Variants in DMD observed in about 807,000 individuals in gnomAD.
DMD encodes dystrophin.
Under a neutral mutation model 330.1 loss-of-function variants are expected in DMD, and 63 were observed. The observed-to-expected ratio is 0.19, with a 90% confidence interval of 0.16 to 0.24. The LOEUF (loss-of-function observed/expected upper bound fraction) is 0.24. Among genes scored for constraint, DMD ranks in the 10% least tolerant of loss-of-function variants. The pLI is 1.00. For synonymous variants in DMD, 1,223 were observed against 959.8 expected (o/e 1.27, Z -5.07); for missense variants, 3,344 against 2,684.1 (o/e 1.25, Z -5.43).
intron 9 of DMD, among the ~76,000 whole-genome samples, chrX:32,652,840 T>C (rs1031340894): frequency 8.9e-6 from 1 of 111,903 alleles, no homozygotes; most frequent in African/African-American, 3.3e-5. Context: ...TCCTGACTTT[T>C]TATTGTTCAC....
chrX:33,058,354 G>T (rs1168699599), intron 1 of DMD, among the ~76,000 whole-genome samples: 1 of 110,832 alleles, frequency 9.0e-6, no homozygotes, highest in Non-Finnish European at 1.9e-5. Context: ...GTGCAATCAC[G>T]GCTCCCTGCA....
rs16998350 is a variant in DMD, at chrX:32,545,184, T to A, written c.2143A>T (p.Thr715Ser). Reference protein sequence around the residue: ...PPPPQKKRQITVDSEIRKRLD... With the variant: ...PPPPQKKRQISVDSEIRKRLD... ...CTTTTCCTAATTTCAGAATCCACAG[T>A]AATCTGCCTCTTCTTTTGGGGAGGT... Residue 715 changes from threonine to serine, a missense_variant, in exon 17 of 79, where the codon ACT becomes TCT. By Grantham distance (58) the Thr-to-Ser change is moderately conservative (BLOSUM62 1). Transcript: ENST00000357033. 1.1e-3 allele frequency: 1,314 copies of A among 1,209,230 alleles called. 15 individuals are homozygous for A. The African/African-American group carries it at 0.019, about 18-fold the overall frequency.
intron 9 of DMD, among the ~76,000 whole-genome samples, chrX:32,686,272 G>A (rs774138045): frequency 3.6e-5 from 4 of 111,535 alleles, no homozygotes; most frequent in Non-Finnish European, 5.6e-5. Context: ...GAATATATCT[G>A]TATGGCCGGG....
chrX:32,693,949 T>C (rs1189962599), intron 9 of DMD, among the ~76,000 whole-genome samples: 1 of 111,998 alleles, frequency 8.9e-6, no homozygotes, highest in East Asian at 2.8e-4. Flanking sequence ...GGAGTGTTAG[T>C]AATTCCACTG....
intron 2 of DMD, among the ~76,000 whole-genome samples, chrX:32,924,054 C>T (rs1043313588): frequency 9.0e-6 from 1 of 111,154 alleles, no homozygotes; most frequent in Non-Finnish European, 1.9e-5. Context: ...GGAAATGCCA[C>T]GATAAAAATC....
At chrX:31,642,277 T>C (rs1012472285) in intron 54 of DMD, among the ~76,000 whole-genome samples, 5 of 112,127 alleles carry the variant, frequency 4.5e-5, no homozygotes, top group African/African-American at 1.6e-4. Context: ...TGAATTTTGC[T>C]GTTTCTCACA....
intron 45 of DMD, among the ~76,000 whole-genome samples, chrX:31,950,475 C>T (rs1364627809): frequency 7.2e-5 from 8 of 110,817 alleles, no homozygotes; most frequent in Non-Finnish European, 1.5e-4. Flanking sequence ...CATTTGGTGG[C>T]GTCTCCTATA....
At chrX:32,372,971 G>T (rs1362084935) in intron 34 of DMD, among the ~76,000 whole-genome samples, 1 of 110,329 alleles carries the variant, frequency 9.1e-6, no homozygotes, top group African/African-American at 3.3e-5. Flanking sequence ...CTTACCTGCA[G>T]CTGTCCCTTC....
At chrX:33,133,809 G>A (rs188230309) in intron 1 of DMD, among the ~76,000 whole-genome samples, 2 of 111,841 alleles carry the variant, frequency 1.8e-5, no homozygotes, top group African/African-American at 6.5e-5. Context: ...TTTACTTAAC[G>A]ATTTTAAGCA....
intron 2 of DMD, among the ~76,000 whole-genome samples, chrX:32,953,626 A>C (rs1311030331): frequency 8.9e-6 from 1 of 112,056 alleles, no homozygotes; most frequent in African/African-American, 3.2e-5. Flanking sequence ...CAACAAATCA[A>C]TACAGAAATA....
At chrX:31,865,786 T>C (rs2093788910) in intron 48 of DMD, among the ~76,000 whole-genome samples, 1 of 112,229 alleles carries the variant, frequency 8.9e-6, no homozygotes, top group Admixed American at 9.4e-5. Context: ...AAAATTCTTA[T>C]TGAAATCTCA....
intron 1 of DMD, among the ~76,000 whole-genome samples, chrX:33,150,892 G>C (rs1232850902): frequency 9.0e-6 from 1 of 111,164 alleles, no homozygotes; most frequent in Non-Finnish European, 1.9e-5. Flanking sequence ...GAAATCAGAG[G>C]GCTTTTACCC....
intron 50 of DMD, among the ~76,000 whole-genome samples, chrX:31,806,976 A>G (rs2092310388): frequency 8.9e-6 from 1 of 112,051 alleles, no homozygotes; most frequent in South Asian, 3.7e-4. Context: ...TGTGAAGCCT[A>G]AAAAGGGCGA....
chrX:31,330,173 T>C (rs1228878981), intron 61 of DMD, among the ~76,000 whole-genome samples: 1 of 105,081 alleles, frequency 9.5e-6, no homozygotes, highest in Non-Finnish European at 1.9e-5. Flanking sequence ...TAAATATGCA[T>C]ATTTTTGCAT....
At chrX:31,642,640 T>C (rs1389187624) in intron 54 of DMD, among the ~76,000 whole-genome samples, 2 of 110,094 alleles carry the variant, frequency 1.8e-5, no homozygotes, top group Non-Finnish European at 3.8e-5. Context: ...AGAAGCATAG[T>C]TATCATTTTT....
intron 9 of DMD, among the ~76,000 whole-genome samples, chrX:32,651,942 GC>G (rs1383355310): frequency 9.0e-6 from 1 of 111,641 alleles, no homozygotes; most frequent in Admixed American, 9.5e-5. Context: ...CCTATGATTT[GC>G]CTTTGATGTT....
intron 74 of DMD, among the ~76,000 whole-genome samples, chrX:31,165,844 GGAA>G (rs1159650891): frequency 9.0e-6 from 1 of 111,518 alleles, no homozygotes; most frequent in African/African-American, 3.3e-5. Context: ...AGGCACTATG[GGAA>G]AAACTCAGTC....
chrX:32,506,724 T>G (rs2044666181), intron 18 of DMD, among the ~76,000 whole-genome samples: 1 of 111,447 alleles, frequency 9.0e-6, no homozygotes, highest in Admixed American at 9.5e-5. Context: ...GCACCCAGTT[T>G]GTGGTATTTT....
At chrX:31,175,932 C>T (rs1324466124) in intron 71 of DMD, among the ~76,000 whole-genome samples, 1 of 111,187 alleles carries the variant, frequency 9.0e-6, no homozygotes, top group Non-Finnish European at 1.9e-5. Flanking sequence ...CAAACACAAG[C>T]AAATAAGAGT....
Sources: gnomAD v4.1 joint callset for allele counts (sites outside exome capture counted in the v4.1 genomes callset) on GRCh38, gnomAD v4.1.1 for gene constraint, MANE v1.5 for transcripts, NCBI Gene and HGNC (gene_info 2026-07-23, HGNC 2026-07-21) for gene names.